The following PLXDC2 variants were observed in gnomAD, a reference collection of about 807,000 sequenced individuals.
PLXDC2 encodes plexin domain containing 2.
In PLXDC2, 40 loss-of-function variants were observed where a neutral mutation model predicts 68.9. The observed-to-expected ratio is 0.58, with a 90% confidence interval of 0.45 to 0.76. The LOEUF (loss-of-function observed/expected upper bound fraction) is 0.76, where lower values mean the gene tolerates loss of function less well. Ranked by LOEUF, PLXDC2 falls within the 30% of genes least tolerant of loss-of-function variation. PLXDC2 has a pLI of 0.00. For missense variants in PLXDC2, 644 were observed against 661.9 expected (o/e 0.97, Z 0.30); for synonymous variants, 243 against 234.2 (o/e 1.04, Z -0.34).
At chr10:19,984,599 C>T (rs1253213708) in intron 1 of PLXDC2, among the ~76,000 whole-genome samples, 1 of 152,144 alleles carries the variant, frequency 6.6e-6, no homozygotes, top group African/African-American at 2.4e-5. Context: ...TTGAGTGGGA[C>T]TAGAGTTCAA....
intron 1 of PLXDC2, among the ~76,000 whole-genome samples, chr10:19,951,807 A>C (rs1833996632): frequency 6.6e-6 from 1 of 152,238 alleles, no homozygotes; most frequent in Non-Finnish European, 1.5e-5. Context: ...ATGGACTACT[A>C]CATAGCCATA....
At chr10:20,174,462 C>T (rs1251662729) in intron 7 of PLXDC2, among the ~76,000 whole-genome samples, 4 of 152,054 alleles carry the variant, frequency 2.6e-5, no homozygotes, top group Admixed American at 2.0e-4. Flanking sequence ...AGTTCTTAAA[C>T]AGTGTTTTCC....
intron 4 of PLXDC2, among the ~76,000 whole-genome samples, chr10:20,111,254 G>C (rs982281873): frequency 6.6e-6 from 1 of 152,060 alleles, no homozygotes; most frequent in African/African-American, 2.4e-5. Flanking sequence ...TCATTTTCTA[G>C]TACTTTCACA....
chr10:20,247,792 G>GA (rs1435408258), intron 13 of PLXDC2, among the ~76,000 whole-genome samples: 1 of 152,088 alleles, frequency 6.6e-6, no homozygotes, highest in East Asian at 1.9e-4. Flanking sequence ...ATATTTCCTG[G>GA]AAAAACGTTC....
intron 1 of PLXDC2, among the ~76,000 whole-genome samples, chr10:19,855,884 G>C (rs951157011): frequency 1.3e-5 from 2 of 152,136 alleles, no homozygotes; most frequent in African/African-American, 4.8e-5. Context: ...AGGAGATCAA[G>C]ACCATCCTGG....
chr10:19,880,569 C>A (rs914518406), intron 1 of PLXDC2, among the ~76,000 whole-genome samples: 1 of 152,092 alleles, frequency 6.6e-6, no homozygotes, highest in South Asian at 2.1e-4. Context: ...GTAACTGAGA[C>A]TTTGGAAAGC....
At chr10:20,138,106 G>A (rs147837708) in intron 4 of PLXDC2, among the ~76,000 whole-genome samples, 2 of 152,246 alleles carry the variant, frequency 1.3e-5, no homozygotes, top group African/African-American at 4.8e-5. Flanking sequence ...TTTAATATCA[G>A]AAGTGTTTTT....
chr10:20,110,634 C>T (rs1833547283), intron 4 of PLXDC2, among the ~76,000 whole-genome samples: 1 of 152,150 alleles, frequency 6.6e-6, no homozygotes, highest in Non-Finnish European at 1.5e-5. Context: ...CGGCTCTGAA[C>T]GCCGGTCACT....
In PLXDC2 at chr10:20,264,982, G is replaced by GA. The variant is rs201617312; in HGVS notation, c.1474-14712dup. ...AGTAAGGTCGCTGGATGATATTAAA[G>GA]AAAAAAAAAGTTTTGTGCACTTAGA... On this transcript the variant is annotated intron_variant, in intron 13 of 13. Coordinates refer to ENST00000377252, the MANE Select transcript of PLXDC2 (RefSeq NM_032812.9). 1.8e-3 allele frequency among the ~76,000 whole-genome samples: 271 copies of GA among 151,248 alleles called. 2 individuals carry two copies. The highest frequency in any genetic ancestry group is 6.2e-3 in the African/African-American group (257 of 41,274).
chr10:20,175,601 G>A (rs1168866327), intron 7 of PLXDC2, among the ~76,000 whole-genome samples: 3 of 152,202 alleles, frequency 2.0e-5, no homozygotes, highest in Non-Finnish European at 1.5e-5. Context: ...GGCCAAAGCA[G>A]GGGGATCACT....
chr10:20,085,296 A>C (rs1454002185), intron 4 of PLXDC2, among the ~76,000 whole-genome samples: 2 of 152,160 alleles, frequency 1.3e-5, no homozygotes, highest in African/African-American at 4.8e-5. Flanking sequence ...CACAGAACTG[A>C]TAAAATGTTA....
intron 1 of PLXDC2, among the ~76,000 whole-genome samples, chr10:19,993,700 G>T (rs1298274592): frequency 2.0e-5 from 3 of 152,180 alleles, no homozygotes; most frequent in Non-Finnish European, 4.4e-5. Flanking sequence ...GATTACAGGC[G>T]TCAGCAACAG....
intron 1 of PLXDC2, among the ~76,000 whole-genome samples, chr10:19,991,789 G>A (rs530729992): frequency 1.1e-3 from 161 of 152,262 alleles, no homozygotes; most frequent in African/African-American, 3.8e-3. Flanking sequence ...GACATTTGCA[G>A]ATCATCTCTC....
At chr10:19,902,823 G>T (rs931492147) in intron 1 of PLXDC2, among the ~76,000 whole-genome samples, 1 of 152,110 alleles carries the variant, frequency 6.6e-6, no homozygotes, top group Non-Finnish European at 1.5e-5. Flanking sequence ...ATTTGTCATA[G>T]ATATTTTTTA....
At chr10:20,156,790 G>T (rs74119680) in intron 6 of PLXDC2, among the ~76,000 whole-genome samples, 4,834 of 152,228 alleles carry the variant, frequency 0.032, 280 homozygotes, top group African/African-American at 0.11. Context: ...AAAAAAGATG[G>T]AAATAATTGT....
At chr10:20,146,606 C>G (rs1036389710) in intron 5 of PLXDC2, among the ~76,000 whole-genome samples, 2 of 143,454 alleles carry the variant, frequency 1.4e-5, no homozygotes, top group African/African-American at 5.1e-5. Flanking sequence ...TCTTCACTCA[C>G]AGCAGTGATA....
intron 7 of PLXDC2, among the ~76,000 whole-genome samples, chr10:20,167,524 T>C (rs1313683750): frequency 6.6e-6 from 1 of 152,152 alleles, no homozygotes; most frequent in Non-Finnish European, 1.5e-5. Context: ...AGGAATTGTC[T>C]TTGTAGGGAA....
At chr10:19,959,004 T>TG (rs1834114700) in intron 1 of PLXDC2, among the ~76,000 whole-genome samples, 1 of 152,184 alleles carries the variant, frequency 6.6e-6, no homozygotes, top group Non-Finnish European at 1.5e-5. Flanking sequence ...CAGACAGCCT[T>TG]CTGATTAGAA....
At chr10:20,040,973 T>G (rs576723384) in intron 2 of PLXDC2, among the ~76,000 whole-genome samples, 34 of 152,206 alleles carry the variant, frequency 2.2e-4, no homozygotes, top group Non-Finnish European at 4.1e-4. Flanking sequence ...TAGATAGTTA[T>G]TTTTATATTT....
Sources: allele counts gnomAD v4.1 joint callset (sites outside exome capture counted in the v4.1 genomes callset), GRCh38; gene constraint gnomAD v4.1.1; transcripts MANE v1.5; gene names NCBI Gene and HGNC (gene_info 2026-07-23, HGNC 2026-07-21).